The following ORC1 variants were observed in gnomAD, a reference collection of about 807,000 sequenced individuals.
The protein encoded by ORC1 is origin recognition complex subunit 1.
Under a neutral mutation model 98.9 loss-of-function variants are expected in ORC1, and 61 were observed. That is an observed-to-expected ratio of 0.62 (90% CI 0.50 to 0.76). ORC1 has a LOEUF of 0.76. Among genes scored for constraint, ORC1 ranks in the 30% least tolerant of loss-of-function variants. ORC1 has a pLI of 0.00. For synonymous variants in ORC1, 385 were observed against 406.9 expected (o/e 0.95, Z 0.65); for missense variants, 979 against 1,072.2 (o/e 0.91, Z 1.21).
chr1:52,398,828 G>A (rs941983301), intron 3 of ORC1, among the ~76,000 whole-genome samples: 4 of 151,748 alleles, frequency 2.6e-5, no homozygotes, highest in Non-Finnish European at 2.9e-5. Flanking sequence ...CTCGTGATCC[G>A]CCTGCCTCGG....
In ORC1 at chr1:52,388,542, G is replaced by A. The variant is rs1647173378; in HGVS notation, c.1283C>T (p.Thr428Ile). The A allele has an allele frequency of 6.2e-7, 1 of 1,613,872 alleles. No homozygotes were observed. Among genetic ancestry groups the A allele is most frequent in the African/African-American group, 1.3e-5 (1 of 74,928 alleles). ...GGGTGCTCTCCTTGGAAGGGGCGGT[G>A]TGGAAGCCTCTTCTTCGTCACTGCT... ...DSSSDEEEAS[T>I]PPLPRRAPRT... The change falls in exon 8 of 17, where the codon ACA (threonine) becomes ATA (isoleucine). Residue 428 changes from threonine (T) to isoleucine (I), a missense_variant. Transcript: ENST00000371568.
In ORC1 at chr1:52,402,211, G is replaced by C. The variant is rs1356760932; in HGVS notation, c.13C>G (p.Pro5Ala). The change falls in exon 2 of 17, where the codon CCC (proline) becomes GCC (alanine). Residue 5 changes from proline to alanine, a missense_variant. Physicochemically the swap from Pro to Ala is conservative, Grantham distance 27. Transcript: ENST00000371568. ...GTTTTTCTGGTCTTCAGCCTTGTGG[G>C]GTAGTGTGCCATGGCTTCTGTGGAA... MAHY[P>A]TRLKTRKTYS... 1.9e-5 allele frequency: 30 copies of C among 1,613,946 alleles called. No homozygotes were observed. The highest frequency in any genetic ancestry group is 2.5e-5 in the Non-Finnish European group (30 of 1,179,982).
chr1:52,381,808 G>C (rs199586824), intron 13 of ORC1, 47 bp from the exon 14 acceptor site: 732 of 1,606,706 alleles, frequency 4.6e-4, no homozygotes, highest in Non-Finnish European at 5.8e-4. Flanking sequence ...ACTGCCCAGT[G>C]ATTATCCAGG....
In ORC1 at chr1:52,393,604, G is replaced by T; in HGVS notation, c.921C>A (p.Asp307Glu). 6.2e-7 allele frequency: 1 copy of T among 1,614,158 alleles called. No individual in the cohort carries two copies. Among genetic ancestry groups the T allele is most frequent in the Non-Finnish European group, 8.5e-7 (1 of 1,180,014 alleles). Residue 307 changes from aspartate (D) to glutamate (E), a missense_variant, in exon 6 of 17, where the codon GAC becomes GAA. By Grantham distance (45) the Asp-to-Glu change is conservative (BLOSUM62 2). Coordinates refer to ENST00000371568, the MANE Select transcript of ORC1 (RefSeq NM_004153.4). ...RETGLSYTED[D>E]KKASPEHRII... ...TGCGATGTTCAGGTGAAGCCTTCTTGTCATCCTCAGTATAAGAGAGTCCAG... is the reference window on the plus strand; with the variant it reads ...TGCGATGTTCAGGTGAAGCCTTCTTTTCATCCTCAGTATAAGAGAGTCCAG...
intron 4 of ORC1, 147 bp from the exon 5 acceptor site, chr1:52,396,511 A>T (rs1198209554): frequency 3.1e-5 from 27 of 866,040 alleles, no homozygotes; most frequent in Middle Eastern, 5.8e-4. Context: ...TAGACATGGC[A>T]TAGCATATTG....
chr1:52,395,965 A>G, intron 5 of ORC1, 81 bp downstream of exon 5: 1 of 1,587,366 alleles, frequency 6.3e-7, no homozygotes, highest in Non-Finnish European at 8.6e-7. Context: ...CACTAACTCA[A>G]TACTTTCCCA....
At chr1:52,379,209 G>GTT (rs974509067) in intron 14 of ORC1, among the ~76,000 whole-genome samples, 2 of 151,530 alleles carry the variant, frequency 1.3e-5, no homozygotes, top group Non-Finnish European at 1.5e-5. Context: ...GCTGGAAAGA[G>GTT]GTAAAGGGGG....
At chr1:52,383,746 G>A in intron 12 of ORC1, 84 bp downstream of exon 12, 2 of 1,339,604 alleles carry the variant, frequency 1.5e-6, no homozygotes, top group Non-Finnish European at 1.1e-6. Context: ...GGAGAAGGGA[G>A]CCAGGACTTT....
At chr1:52,378,832 G>A (rs989510734) in intron 14 of ORC1, among the ~76,000 whole-genome samples, 1 of 151,738 alleles carries the variant, frequency 6.6e-6, no homozygotes, top group Non-Finnish European at 1.5e-5. Flanking sequence ...AGGAGATTGA[G>A]ACCATCCTGG....
At chr1:52,389,033 G>A (rs570904344) in intron 7 of ORC1, among the ~76,000 whole-genome samples, 184 bp downstream of exon 7, 6 of 152,148 alleles carry the variant, frequency 3.9e-5, no homozygotes, top group African/African-American at 1.4e-4. Context: ...CTAAGCCCAG[G>A]AAGTATTTCT....
Position 52,383,508 on chromosome 1 carries a change from T to C in ORC1, c.1925A>G (p.His642Arg). Reference sequence around the variant, plus strand: ...CAGGACCACAAGCCGGGCCTCCTTATGAGTGGGCCAGTCAAAGAGATTGTA... The same window carrying C: ...CAGGACCACAAGCCGGGCCTCCTTACGAGTGGGCCAGTCAAAGAGATTGTA... ...IMYNLFDWPTHKEARLVVLAI... is the reference protein window; with the variant it reads ...IMYNLFDWPTRKEARLVVLAI... Residue 642 changes from histidine (H) to arginine (R), a missense_variant, in exon 13 of 17, where the codon CAT becomes CGT. His to Arg is a conservative substitution (Grantham distance 29, BLOSUM62 0). Transcript: ENST00000371568. 1 of 1,613,936 alleles carries C rather than the reference T, an allele frequency of 6.2e-7. No homozygotes were observed. The highest frequency in any genetic ancestry group is 8.5e-7 in the Non-Finnish European group (1 of 1,180,026).
At chr1:52,408,018 T>C (rs1343816904), upstream of ORC1, among the ~76,000 whole-genome samples, 1 of 152,256 alleles carries the variant, frequency 6.6e-6, no homozygotes, top group Non-Finnish European at 1.5e-5. Context: ...ATCGTGCCAC[T>C]GCACTCCAGC....
chr1:52,383,277 G>A (rs1647095636), intron 13 of ORC1, 143 bp downstream of exon 13: 2 of 863,902 alleles, frequency 2.3e-6, no homozygotes. Context: ...TTGAACTCCT[G>A]ACCTCAAGTG....
At chr1:52,400,366 A>T (rs190106080) in intron 3 of ORC1, among the ~76,000 whole-genome samples, 1 of 152,294 alleles carries the variant, frequency 6.6e-6, no homozygotes, top group East Asian at 1.9e-4. Flanking sequence ...TCACCACATT[A>T]CTCACAATGG....
upstream of ORC1, among the ~76,000 whole-genome samples, chr1:52,407,490 C>T (rs1172647466): frequency 6.6e-6 from 1 of 152,220 alleles, no homozygotes; most frequent in Non-Finnish European, 1.5e-5. Flanking sequence ...CATGATTTGA[C>T]CAGTAGTGTC....
intron 14 of ORC1, among the ~76,000 whole-genome samples, chr1:52,377,441 A>C (rs1444456299): frequency 6.6e-6 from 1 of 151,914 alleles, no homozygotes; most frequent in Non-Finnish European, 1.5e-5. Flanking sequence ...CATTGGGCTA[A>C]TTTTTAAATT....
chr1:52,401,412 TC>T lies in ORC1; in HGVS notation c.172del (p.Asp58MetfsTer78). The T allele has an allele frequency of 6.2e-7, 1 of 1,613,518 alleles. No individual in the cohort carries two copies. The highest frequency in any genetic ancestry group is 8.5e-7 in the Non-Finnish European group (1 of 1,179,882). On this transcript the variant is annotated frameshift_variant, in exon 3 of 17. Coordinates refer to ENST00000371568, the MANE Select transcript of ORC1 (RefSeq NM_004153.4). LOFTEE classifies it high-confidence loss of function. The stretch of plus-strand genomic sequence containing the variant: ...AGCAACATACGGGTTTTCATCATCA[TC>T]CCCTTCAATCAACACAAACTGTCCA... ...QIGQFVLIEG[D>X]DDENPYVAKL...
At chr1:52,406,242 CG>C (rs763629644), upstream of ORC1, among the ~76,000 whole-genome samples, 3 of 151,978 alleles carry the variant, frequency 2.0e-5, no homozygotes, top group Non-Finnish European at 4.4e-5. Context: ...CCTCCCCCCC[CG>C]GGCCTCCCAG....
chr1:52,374,681 G>A, intron 16 of ORC1, 129 bp downstream of exon 16: 1 of 716,400 alleles, frequency 1.4e-6, no homozygotes, highest in Non-Finnish European at 2.5e-6. Flanking sequence ...TAAAATAGGT[G>A]CCGGTCTGGT....
Sources: gnomAD v4.1 joint callset for allele counts (sites outside exome capture counted in the v4.1 genomes callset) on GRCh38, gnomAD v4.1.1 for gene constraint, MANE v1.5 for transcripts, NCBI Gene and HGNC (gene_info 2026-07-23, HGNC 2026-07-21) for gene names.